The following ARID1A variants were observed in gnomAD, a reference collection of about 807,000 sequenced individuals.
ARID1A encodes the protein AT-rich interactive domain-containing protein 1A.
A neutral mutation model predicts 212.6 loss-of-function variants in ARID1A; 20 were observed. The observed-to-expected ratio is 0.09, with a 90% confidence interval of 0.07 to 0.14. The LOEUF (loss-of-function observed/expected upper bound fraction) is 0.14. Among genes scored for constraint, ARID1A ranks in the 10% least tolerant of loss-of-function variants. The pLI, the probability that ARID1A is intolerant of heterozygous loss-of-function variation, is 1.00. For synonymous variants in ARID1A, 1,376 were observed against 1,222.1 expected, an observed-to-expected ratio of 1.13 and a Z score of -2.63; for missense variants, 2,587 against 3,059.0, an observed-to-expected ratio of 0.85 and a Z score of 3.64.
chr1:26,706,966 C>A (rs1468702150), intron 1 of ARID1A, among the ~76,000 whole-genome samples: 1 of 151,598 alleles, frequency 6.6e-6, no homozygotes, highest in Non-Finnish European at 1.5e-5. Context: ...TATTACAAAG[C>A]TTTTGGGGAA....
chr1:26,736,622 C>CT (rs2080732707), intron 4 of ARID1A, among the ~76,000 whole-genome samples: 1 of 125,456 alleles, frequency 8.0e-6, no homozygotes, highest in African/African-American at 3.2e-5. Flanking sequence ...GAGAGAGACT[C>CT]TGTCTCAAAA....
intron 1 of ARID1A, among the ~76,000 whole-genome samples, chr1:26,715,352 A>G (rs2080492734): frequency 6.6e-6 from 1 of 152,204 alleles, no homozygotes; most frequent in African/African-American, 2.4e-5. Context: ...GTATTCCTTA[A>G]GTGTACCATA....
chr1:26,729,246 T>G (rs1030735270), intron 1 of ARID1A: 2 of 209,748 alleles, frequency 9.5e-6, no homozygotes, highest in African/African-American at 4.6e-5. Flanking sequence ...TAGAAACATC[T>G]AGATGTTTGT....
intron 4 of ARID1A, among the ~76,000 whole-genome samples, chr1:26,760,550 G>T (rs554285919): frequency 6.6e-6 from 1 of 152,090 alleles, no homozygotes; most frequent in Non-Finnish European, 1.5e-5. Context: ...TTAGCCGGGC[G>T]TGGTGGTGCT....
At chr1:26,746,387 C>A (rs969476791) in intron 4 of ARID1A, among the ~76,000 whole-genome samples, 1 of 152,152 alleles carries the variant, frequency 6.6e-6, no homozygotes, top group African/African-American at 2.4e-5. Context: ...CCAAAAAGAT[C>A]AACCAAAATC....
At chr1:26,722,728 G>A (rs930467256) in intron 1 of ARID1A, among the ~76,000 whole-genome samples, 2 of 152,190 alleles carry the variant, frequency 1.3e-5, no homozygotes, top group Non-Finnish European at 2.9e-5. Context: ...CTGAGTTATG[G>A]TTCCTAGGTT....
At chr1:26,773,529 C>T (rs1473893284) in intron 15 of ARID1A, 33 bp downstream of exon 15, 1 of 1,613,658 alleles carries the variant, frequency 6.2e-7, no homozygotes, top group Non-Finnish European at 8.5e-7. Flanking sequence ...TCCACTCCCC[C>T]AGCACCCTGA....
chr1:26,725,572 G>A (rs567667561), intron 1 of ARID1A, among the ~76,000 whole-genome samples: 2 of 152,078 alleles, frequency 1.3e-5, no homozygotes, highest in African/African-American at 4.8e-5. Flanking sequence ...GTGATGGGAG[G>A]GAGTCAAAAA....
In ARID1A at chr1:26,774,842, G is replaced by T. The variant is rs112918204; in HGVS notation, c.4615G>T (p.Ala1539Ser). Residue 1539 changes from alanine (A) to serine (S), a missense_variant, in exon 18 of 20, where the codon GCC (alanine) becomes TCC (serine). Physicochemically the swap from Ala to Ser is moderately conservative, Grantham distance 99. Coordinates refer to ENST00000324856, the MANE Select transcript of ARID1A (RefSeq NM_006015.6). The surrounding 1 kb of genome is among the most constrained non-coding windows in gnomAD (Gnocchi z 5.6). ...TGAAATGCTGCACACAGATCAGAGGGCCAACCACGAAGGCTCGTGGCCTTC... is the reference window on the plus strand; with the variant it reads ...TGAAATGCTGCACACAGATCAGAGGTCCAACCACGAAGGCTCGTGGCCTTC... ...TDEMLHTDQR[A>S]NHEGSWPSHG... The T allele has an allele frequency of 2.3e-5, 37 of 1,609,574 alleles. No homozygotes were observed. In the African/African-American group the frequency reaches 3.3e-4, roughly 15 times the overall value.
chr1:26,718,692 T>C (rs1017700144), intron 1 of ARID1A, among the ~76,000 whole-genome samples: 7 of 152,198 alleles, frequency 4.6e-5, no homozygotes, highest in African/African-American at 7.2e-5. Context: ...TATGCTATAT[T>C]GTTTAGGGAA....
intron 1 of ARID1A, among the ~76,000 whole-genome samples, chr1:26,710,607 T>C (rs1262116260): frequency 6.6e-6 from 1 of 151,834 alleles, no homozygotes; most frequent in African/African-American, 2.4e-5. Flanking sequence ...TCAGCATTAC[T>C]AGGTCCTGTT....
rs757673703 is a variant in ARID1A, at chr1:26,771,338, G to T, written c.3406+12G>T. ...GCCTCCCTCTCCTGGTAAGGATGGG[G>T]TCAGCGGCCCCACCAAGGCTGAGAG... On this transcript the variant is annotated intron_variant, in intron 12 of 19. Coordinates refer to ENST00000324856, the MANE Select transcript of ARID1A (RefSeq NM_006015.6). This position sits in a 1 kb window ranked among gnomAD's most constrained non-coding sequence, Gnocchi z 5.4. The T allele has an allele frequency of 1.1e-5, 18 of 1,613,438 alleles. No individual in the cohort carries two copies. In the East Asian group the frequency reaches 2.5e-4, roughly 22 times the overall value.
Position 26,731,411 on chromosome 1 carries a change from A to C in ARID1A, c.1610A>C (p.Gln537Pro), listed in dbSNP as rs2124789248. The stretch of plus-strand genomic sequence containing the variant: ...CAGTCCCCGGCTCCATACCCCTCCC[A>C]GCAGTCGACGACACAGCAGCACCCC... ...HQQSPAPYPS[Q>P]QSTTQQHPQS... Residue 537 changes from glutamine to proline, a missense_variant, in exon 3 of 20, where the codon CAG becomes CCG. Gln to Pro is a moderately conservative substitution (Grantham distance 76). Coordinates refer to ENST00000324856, the MANE Select transcript of ARID1A (RefSeq NM_006015.6). 6.2e-7 allele frequency: 1 copy of C among 1,613,536 alleles called. No homozygotes were observed. Among genetic ancestry groups the C allele is most frequent in the Non-Finnish European group, 8.5e-7 (1 of 1,179,868 alleles).
intron 1 of ARID1A, 101 bp from the exon 2 acceptor site, chr1:26,729,550 T>C: frequency 7.4e-7 from 1 of 1,347,412 alleles, no homozygotes; most frequent in Non-Finnish European, 1.1e-6. Flanking sequence ...ACTGTATTTC[T>C]TTATAGCATA....
At chr1:26,713,868 G>T (rs1038017978) in intron 1 of ARID1A, among the ~76,000 whole-genome samples, 2 of 152,162 alleles carry the variant, frequency 1.3e-5, no homozygotes, top group Non-Finnish European at 2.9e-5. Context: ...TACAGTTTGT[G>T]ATTTCAATCC....
chr1:26,745,982 C>T (rs917853999), intron 4 of ARID1A, among the ~76,000 whole-genome samples: 11 of 152,018 alleles, frequency 7.2e-5, no homozygotes, highest in African/African-American at 2.4e-4. Context: ...ACCTGGGAGG[C>T]GGAGGTTGCG....
At chr1:26,701,754 C>T (rs1447626458) in intron 1 of ARID1A, among the ~76,000 whole-genome samples, 1 of 152,198 alleles carries the variant, frequency 6.6e-6, no homozygotes, top group Non-Finnish European at 1.5e-5. Flanking sequence ...AAGCTATTTT[C>T]TCCTGGGATT....
chr1:26,748,645 TTA>T, intron 4 of ARID1A, among the ~76,000 whole-genome samples: 1 of 149,000 alleles, frequency 6.7e-6, no homozygotes. Flanking sequence ...TTTGAGTCTA[TTA>T]ACTAGTGACC....
chr1:26,776,437 C>G (rs1257469057), intron 19 of ARID1A, among the ~76,000 whole-genome samples: 2 of 152,030 alleles, frequency 1.3e-5, no homozygotes, highest in Non-Finnish European at 2.9e-5. Context: ...CCACGCTCGG[C>G]TAATTTTTTG....
Sources: gnomAD v4.1 joint callset for allele counts (sites outside exome capture counted in the v4.1 genomes callset) on GRCh38, gnomAD v4.1.1 for gene constraint, Gnocchi (gnomAD v3.1) non-coding constraint, MANE v1.5 for transcripts, NCBI Gene and HGNC (gene_info 2026-07-23, HGNC 2026-07-21) for gene names.